MAST4: variants seen among roughly 807,000 people sequenced by gnomAD.
MAST4 encodes microtubule associated serine/threonine kinase family member 4.
In MAST4, 89 loss-of-function variants were observed where a neutral mutation model predicts 162.7. That is an observed-to-expected ratio of 0.55 (90% CI 0.46 to 0.65). MAST4 has a LOEUF of 0.65. Among genes scored for constraint, MAST4 ranks in the 30% least tolerant of loss-of-function variants. The pLI is 0.00. For missense variants in MAST4, 3,153 were observed against 3,374.0 expected (o/e 0.93, Z 1.62); for synonymous variants, 1,479 against 1,361.1 (o/e 1.09, Z -1.91).
intron 2 of MAST4, among the ~76,000 whole-genome samples, chr5:66,780,495 T>G (rs558809063): frequency 3.3e-5 from 5 of 152,296 alleles, no homozygotes; most frequent in African/African-American, 1.2e-4. Context: ...ACTTCAAGAA[T>G]GAAGCTGCGG....
intron 1 of MAST4, among the ~76,000 whole-genome samples, chr5:66,753,310 C>G (rs1753307687): frequency 6.6e-6 from 1 of 151,904 alleles, no homozygotes; most frequent in African/African-American, 2.4e-5. Context: ...TCGAGCAGAA[C>G]TGAAGGAAAT....
chr5:66,721,251 T>C (rs1438656811), intron 1 of MAST4, among the ~76,000 whole-genome samples: 2 of 152,192 alleles, frequency 1.3e-5, no homozygotes, highest in African/African-American at 4.8e-5. Context: ...TCTAGAGTTA[T>C]ACTTGTCTCA....
intron 4 of MAST4, among the ~76,000 whole-genome samples, chr5:66,993,049 T>C (rs1418000415): frequency 6.6e-6 from 1 of 152,236 alleles, no homozygotes; most frequent in African/African-American, 2.4e-5. Context: ...ACTTCAGCCA[T>C]ACTTATTGGG....
At chr5:66,888,570 TTGTC>T (rs1309214110) in intron 3 of MAST4, among the ~76,000 whole-genome samples, 7 of 152,220 alleles carry the variant, frequency 4.6e-5, no homozygotes, top group Admixed American at 2.0e-4. Flanking sequence ...GGTATTAAGG[TTGTC>T]TGTAATTTTA....
intron 3 of MAST4, among the ~76,000 whole-genome samples, chr5:66,792,876 T>C (rs1474094186): frequency 6.6e-6 from 1 of 152,164 alleles, no homozygotes; most frequent in Non-Finnish European, 1.5e-5. Context: ...TGTTCAAGTA[T>C]GGGGGGGATT....
intron 4 of MAST4, among the ~76,000 whole-genome samples, chr5:66,976,090 A>G (rs538231741): frequency 6.6e-6 from 1 of 152,332 alleles, no homozygotes; most frequent in East Asian, 1.9e-4. Flanking sequence ...ATCCCTTGCC[A>G]TGTAGTTGAC....
intron 1 of MAST4, among the ~76,000 whole-genome samples, chr5:66,723,518 T>G (rs1751343156): frequency 6.6e-6 from 1 of 152,210 alleles, no homozygotes; most frequent in Non-Finnish European, 1.5e-5. Context: ...TTTTAAACAA[T>G]GGCATCAAAC....
intron 3 of MAST4, among the ~76,000 whole-genome samples, chr5:66,886,863 A>G (rs1762072815): frequency 6.6e-6 from 1 of 151,612 alleles, no homozygotes; most frequent in Admixed American, 6.6e-5. Context: ...AGGCCACCTT[A>G]TGAACATTTT....
At chr5:66,718,116 A>G (rs888938623) in intron 1 of MAST4, among the ~76,000 whole-genome samples, 3 of 151,552 alleles carry the variant, frequency 2.0e-5, no homozygotes, top group African/African-American at 7.3e-5. Context: ...TTCAGAGTCT[A>G]TGGGATGAGA....
At chr5:67,104,700 A>G in intron 10 of MAST4, 125 bp downstream of exon 10, 1 of 656,868 alleles carries the variant, frequency 1.5e-6, no homozygotes, top group East Asian at 2.8e-5. Context: ...AAAGAAGGAA[A>G]AAAAAAAAAA....
rs191530244 is a variant in MAST4, at chr5:66,680,008, A to G, written c.364-79701A>G. Among the ~76,000 whole-genome samples the G allele has an allele frequency of 2.6e-5, 4 of 152,176 alleles. No individual in the cohort carries two copies. The East Asian group carries it at 5.8e-4, about 22-fold the overall frequency. On this transcript the variant is annotated intron_variant, in intron 1 of 28. Coordinates refer to ENST00000403625, the MANE Select transcript of MAST4 (RefSeq NM_001164664.2). ...CTCTGCATGTAAATTGGCTCCTTCC[A>G]TCCCTTTTGGGTAAAGACTGATCAT...
At chr5:66,598,441 A>G (rs1742340642) in intron 1 of MAST4, among the ~76,000 whole-genome samples, 1 of 152,182 alleles carries the variant, frequency 6.6e-6, no homozygotes, top group African/African-American at 2.4e-5. Flanking sequence ...GGAATTTCAG[A>G]TGAATCCATA....
At chr5:66,613,490 A>G (rs914205681) in intron 1 of MAST4, among the ~76,000 whole-genome samples, 5 of 152,100 alleles carry the variant, frequency 3.3e-5, no homozygotes, top group Admixed American at 6.5e-5. Flanking sequence ...ATAGCTGGAA[A>G]AACTTCTTCA....
At chr5:66,865,410 C>T (rs1204602759) in intron 3 of MAST4, among the ~76,000 whole-genome samples, 4 of 106,006 alleles carry the variant, frequency 3.8e-5, no homozygotes, top group Non-Finnish European at 7.4e-5. Context: ...AGTCAGTACA[C>T]AAATAGTTTT....
intron 1 of MAST4, among the ~76,000 whole-genome samples, chr5:66,718,848 C>T (rs754875274): frequency 6.6e-6 from 1 of 152,108 alleles, no homozygotes; most frequent in Non-Finnish European, 1.5e-5. Context: ...TGCTTGACTT[C>T]GAGTATAGTT....
intron 3 of MAST4, among the ~76,000 whole-genome samples, chr5:66,790,687 G>A (rs899128795): frequency 3.3e-5 from 5 of 152,088 alleles, no homozygotes; most frequent in Non-Finnish European, 7.3e-5. Flanking sequence ...TGGGACTACA[G>A]GCACATACTA....
At chr5:66,729,275 T>C (rs942222303) in intron 1 of MAST4, among the ~76,000 whole-genome samples, 1 of 152,200 alleles carries the variant, frequency 6.6e-6, no homozygotes, top group Admixed American at 6.5e-5. Flanking sequence ...GGGATATCTG[T>C]TAAATGATGG....
intron 2 of MAST4, among the ~76,000 whole-genome samples, chr5:66,764,821 G>A (rs943857224): frequency 1.3e-5 from 2 of 152,196 alleles, no homozygotes; most frequent in African/African-American, 4.8e-5. Flanking sequence ...ATTAAAGAAA[G>A]AAAAATATCT....
chr5:67,144,630 T>A, intron 21 of MAST4, 39 bp from the exon 22 acceptor site: 2 of 1,601,798 alleles, frequency 1.2e-6, no homozygotes, highest in Non-Finnish European at 1.7e-6. Context: ...CAAACTCTTT[T>A]TAGTAGATAT....
Sources: allele counts gnomAD v4.1 joint callset (sites outside exome capture counted in the v4.1 genomes callset), GRCh38; gene constraint gnomAD v4.1.1; transcripts MANE v1.5; gene names NCBI Gene and HGNC (gene_info 2026-07-23, HGNC 2026-07-21).